PXDNL: variants seen among roughly 807,000 people sequenced by gnomAD.
PXDNL encodes peroxidasin like, also known as probable oxidoreductase PXDNL.
PXDNL carries 145 observed loss-of-function variants against 150.8 expected under a neutral mutation model. The observed-to-expected ratio is 0.96, with a 90% CI of 0.84 to 1.10. The LOEUF (loss-of-function observed/expected upper bound fraction) is 1.10, where lower values mean the gene tolerates loss of function less well. Among genes scored for constraint, PXDNL ranks in the 50% least tolerant of loss-of-function variants. PXDNL has a pLI of 0.00. For missense variants in PXDNL, 2,087 were observed against 1,873.9 expected, an observed-to-expected ratio of 1.11 and a Z score of -2.10; for synonymous variants, 757 against 725.7, an observed-to-expected ratio of 1.04 and a Z score of -0.69.
intron 1 of PXDNL, among the ~76,000 whole-genome samples, chr8:51,655,564 G>T (rs183341773): frequency 6.6e-6 from 1 of 152,246 alleles, no homozygotes; most frequent in African/African-American, 2.4e-5. Flanking sequence ...TTCAGTTGGA[G>T]AACGAGGCGC....
intron 1 of PXDNL, among the ~76,000 whole-genome samples, chr8:51,719,993 T>C (rs1414551634): frequency 1.3e-5 from 2 of 152,252 alleles, no homozygotes; most frequent in East Asian, 3.9e-4. Context: ...TGAGTCATGA[T>C]GTGATCATTT....
chr8:51,710,460 A>T (rs10104155), intron 1 of PXDNL, among the ~76,000 whole-genome samples: 1,593 of 152,304 alleles, frequency 0.01, 24 homozygotes, highest in African/African-American at 0.032. Context: ...AGGACATTTA[A>T]AATGTGCTTT....
Position 51,409,102 on chromosome 8 carries a change from G to C in PXDNL, c.2522C>G (p.Pro841Arg), listed in dbSNP as rs765867956. Residue 841 changes from proline (P) to arginine (R), a missense_variant, in exon 17 of 23, where the codon CCT becomes CGT. Pro to Arg is a moderately radical substitution (Grantham distance 103, BLOSUM62 -2). Transcript: ENST00000356297. Reference protein sequence around the residue: ...PCSSVCTNDPPCFPMNTRHAD... With the variant: ...PCSSVCTNDPRCFPMNTRHAD... Reference sequence around the variant, plus strand: ...GTGCCGGGTGTTCATGGGGAAACAAGGAGGGTCGTTGGTGCAGACGGAGCT... The same window carrying C: ...GTGCCGGGTGTTCATGGGGAAACAACGAGGGTCGTTGGTGCAGACGGAGCT... The C allele has an allele frequency of 1.2e-6, 2 of 1,609,324 alleles. No homozygotes were observed. The highest frequency in any genetic ancestry group is 3.3e-5 in the Admixed American group (2 of 59,956).
intron 8 of PXDNL, among the ~76,000 whole-genome samples, chr8:51,462,952 C>A (rs1440444890): frequency 2.6e-5 from 4 of 152,094 alleles, no homozygotes; most frequent in Non-Finnish European, 5.9e-5. Flanking sequence ...ACCTTGCAAG[C>A]CAGAAGAGAT....
chr8:51,370,976 A>T lies in PXDNL; in HGVS notation c.3901+897T>A, dbSNP rs1048885542. ...TCTCTAGTACTACTTAGGTACTGAG[A>T]ATGATCATTTCAGTCCCAGAGAACA... On this transcript the variant is annotated intron_variant, in intron 19 of 22. Coordinates refer to ENST00000356297, the MANE Select transcript of PXDNL (RefSeq NM_144651.5). 2.0e-5 allele frequency among the ~76,000 whole-genome samples: 3 copies of T among 152,160 alleles called. No individual in the cohort carries two copies. In the East Asian group the frequency reaches 5.8e-4, roughly 29 times the overall value.
chr8:51,615,821 C>T (rs1356502154), intron 2 of PXDNL, among the ~76,000 whole-genome samples: 1 of 152,146 alleles, frequency 6.6e-6, no homozygotes, highest in African/African-American at 2.4e-5. Flanking sequence ...AAGATCAGCC[C>T]TCTGCATACA....
At chr8:51,663,783 G>A (rs146992657) in intron 1 of PXDNL, among the ~76,000 whole-genome samples, 18 of 152,180 alleles carry the variant, frequency 1.2e-4, no homozygotes, top group African/African-American at 3.4e-4. Flanking sequence ...AGGGGGCCAC[G>A]GTGGGTGCTG....
At chr8:51,689,474 T>C (rs556684580) in intron 1 of PXDNL, among the ~76,000 whole-genome samples, 3 of 152,268 alleles carry the variant, frequency 2.0e-5, no homozygotes, top group Non-Finnish European at 2.9e-5. Flanking sequence ...TTAGTTTACT[T>C]TGCTTGGGGA....
chr8:51,760,360 T>TA (rs111940442), intron 1 of PXDNL, among the ~76,000 whole-genome samples: 157 of 142,924 alleles, frequency 1.1e-3, no homozygotes, highest in East Asian at 2.4e-3. Flanking sequence ...TAGGCTTAAT[T>TA]AAAAAAAAAA....
intron 19 of PXDNL, among the ~76,000 whole-genome samples, chr8:51,363,330 C>G (rs1356496895): frequency 6.6e-6 from 1 of 151,744 alleles, no homozygotes; most frequent in East Asian, 2.0e-4. Context: ...AAGCCGTAGA[C>G]AAAACCCCTC....
At chr8:51,546,555 G>A (rs1812364664) in intron 4 of PXDNL, among the ~76,000 whole-genome samples, 1 of 152,218 alleles carries the variant, frequency 6.6e-6, no homozygotes, top group Non-Finnish European at 1.5e-5. Flanking sequence ...AGGGGCCACA[G>A]GGTAAAGGAA....
chr8:51,791,527 G>C (rs780993179), intron 1 of PXDNL, among the ~76,000 whole-genome samples: 14 of 152,198 alleles, frequency 9.2e-5, no homozygotes, highest in Non-Finnish European at 2.1e-4. Context: ...CAACGCAGCT[G>C]TGACCATGTC....
intron 1 of PXDNL, among the ~76,000 whole-genome samples, chr8:51,784,916 CA>C (rs1408017138): frequency 1.3e-5 from 2 of 152,134 alleles, no homozygotes; most frequent in African/African-American, 4.8e-5. Context: ...AATTAAAATA[CA>C]TTCATATATA....
At chr8:51,778,058 C>A (rs1228229812) in intron 1 of PXDNL, among the ~76,000 whole-genome samples, 1 of 151,772 alleles carries the variant, frequency 6.6e-6, no homozygotes, top group African/African-American at 2.4e-5. Flanking sequence ...ATCAATTGGC[C>A]GGGTGTGGTG....
At chr8:51,499,900 A>C in intron 4 of PXDNL, 130 bp from the exon 5 acceptor site, 1 of 615,756 alleles carries the variant, frequency 1.6e-6, no homozygotes, top group Non-Finnish European at 2.9e-6. Flanking sequence ...TCACATACAA[A>C]AATCAGAAAC....
chr8:51,755,109 C>CT (rs2037086595), intron 1 of PXDNL, among the ~76,000 whole-genome samples: 1 of 152,152 alleles, frequency 6.6e-6, no homozygotes, highest in Non-Finnish European at 1.5e-5. Context: ...AGGCTGGCCT[C>CT]TAACATCTCT....
At chr8:51,671,530 A>ACCAC (rs1815499307) in intron 1 of PXDNL, among the ~76,000 whole-genome samples, 1 of 152,178 alleles carries the variant, frequency 6.6e-6, no homozygotes, top group Non-Finnish European at 1.5e-5. Context: ...ACATTCTACC[A>ACCAC]CCACCATCAT....
At chr8:51,602,485 T>C (rs1186330733) in intron 2 of PXDNL, among the ~76,000 whole-genome samples, 2 of 151,996 alleles carry the variant, frequency 1.3e-5, no homozygotes, top group Non-Finnish European at 2.9e-5. Flanking sequence ...ATTAAGTGAA[T>C]TTGGTAACTT....
At chr8:51,733,173 G>C (rs1254757680) in intron 1 of PXDNL, among the ~76,000 whole-genome samples, 1 of 152,212 alleles carries the variant, frequency 6.6e-6, no homozygotes, top group Non-Finnish European at 1.5e-5. Context: ...AAATCCAAGA[G>C]TAAATCTAAG....
Sources: gnomAD v4.1 joint callset for allele counts (sites outside exome capture counted in the v4.1 genomes callset) on GRCh38, gnomAD v4.1.1 for gene constraint, MANE v1.5 for transcripts, NCBI Gene and HGNC (gene_info 2026-07-23, HGNC 2026-07-21) for gene names.